NRXN3: variants seen among roughly 807,000 people sequenced by gnomAD.
The protein encoded by NRXN3 is neurexin III.
A neutral mutation model predicts 137.6 loss-of-function variants in NRXN3; 32 were observed. The observed-to-expected ratio is 0.23, with a 90% CI of 0.18 to 0.31. NRXN3 has a LOEUF of 0.31. Ranked by LOEUF, NRXN3 falls within the 10% of genes least tolerant of loss-of-function variation. The pLI is 1.00. For missense variants in NRXN3, 1,574 were observed against 2,062.5 expected (o/e 0.76, Z 4.59); for synonymous variants, 798 against 784.5 (o/e 1.02, Z -0.29).
At chr14:78,529,584 T>G (rs935724971) in intron 4 of NRXN3, among the ~76,000 whole-genome samples, 2 of 152,226 alleles carry the variant, frequency 1.3e-5, no homozygotes, top group South Asian at 4.1e-4. Flanking sequence ...TTCTACTTCT[T>G]TGTTTTGTCT....
chr14:78,414,134 C>T (rs2092997950), intron 4 of NRXN3, among the ~76,000 whole-genome samples: 1 of 152,172 alleles, frequency 6.6e-6, no homozygotes, highest in African/African-American at 2.4e-5. Context: ...TTATAAATTA[C>T]CCAGTCTTGG....
At chr14:79,612,579 T>C (rs1235214872) in intron 16 of NRXN3, among the ~76,000 whole-genome samples, 3 of 152,212 alleles carry the variant, frequency 2.0e-5, no homozygotes, top group Non-Finnish European at 4.4e-5. Flanking sequence ...CAAGCCACCA[T>C]GGCTCAAGCC....
At chr14:79,391,044 G>T (rs1214903182) in intron 15 of NRXN3, among the ~76,000 whole-genome samples, 1 of 152,018 alleles carries the variant, frequency 6.6e-6, no homozygotes, top group Non-Finnish European at 1.5e-5. Flanking sequence ...GACTTCCCAG[G>T]CTCCAGAATT....
chr14:78,191,883 T>A (rs1485622320), intron 1 of NRXN3, among the ~76,000 whole-genome samples: 1 of 152,132 alleles, frequency 6.6e-6, no homozygotes, highest in Non-Finnish European at 1.5e-5. Context: ...CTTTGAGCTG[T>A]GTGCCAACTC....
intron 4 of NRXN3, among the ~76,000 whole-genome samples, chr14:78,471,291 AACACACACACAC>A (rs553942003): frequency 1.6e-3 from 159 of 96,844 alleles, no homozygotes; most frequent in African/African-American, 3.5e-3. Context: ...CAACACACTC[AACACACACACAC>A]ACACACACAC....
chr14:79,771,444 A>T (rs1479380267), intron 19 of NRXN3, among the ~76,000 whole-genome samples: 1 of 152,172 alleles, frequency 6.6e-6, no homozygotes, highest in East Asian at 1.9e-4. Flanking sequence ...AGTGGGCTTC[A>T]TCCCTGGGAT....
Position 79,560,250 on chromosome 14 carries a change from T to C in NRXN3, c.3444+92848T>C, listed in dbSNP as rs112437451. On this transcript the variant is annotated intron_variant, in intron 16 of 20. Coordinates refer to ENST00000335750, the MANE Select transcript of NRXN3 (RefSeq NM_001330195.2). ...TAGGATAGAAAGGTAATTCAGTCTTTCCTCTGGCCTGGTTCGTCAAACTTT... is the reference window on the plus strand; with the variant it reads ...TAGGATAGAAAGGTAATTCAGTCTTCCCTCTGGCCTGGTTCGTCAAACTTT... Among the ~76,000 whole-genome samples the C allele has an allele frequency of 8.4e-4, 128 of 152,204 alleles. 2 individuals are homozygous for C. The Middle Eastern group carries it at 0.017, about 20-fold the overall frequency.
chr14:79,755,532 A>G (rs1346097663), intron 19 of NRXN3, among the ~76,000 whole-genome samples: 1 of 140,522 alleles, frequency 7.1e-6, no homozygotes, highest in African/African-American at 2.6e-5. Flanking sequence ...AATACCGAAG[A>G]TTTTTTTTTT....
intron 4 of NRXN3, among the ~76,000 whole-genome samples, chr14:78,343,177 C>T (rs187370455): frequency 2.3e-4 from 35 of 152,266 alleles, no homozygotes; most frequent in African/African-American, 7.7e-4. Flanking sequence ...GGTCTTAAAT[C>T]AACACAACCA....
chr14:79,686,901 G>T (rs1486598862), intron 17 of NRXN3, among the ~76,000 whole-genome samples: 2 of 152,168 alleles, frequency 1.3e-5, no homozygotes, highest in Admixed American at 1.3e-4. Flanking sequence ...CCAACTTGGT[G>T]TACGACAGGG....
At chr14:78,942,898 A>T (rs530067478) in intron 10 of NRXN3, among the ~76,000 whole-genome samples, 1 of 151,012 alleles carries the variant, frequency 6.6e-6, no homozygotes, top group African/African-American at 2.5e-5. Flanking sequence ...ATTATTTTTC[A>T]GTTAAAAAAG....
chr14:79,082,964 C>G (rs2047355364), intron 15 of NRXN3, among the ~76,000 whole-genome samples: 1 of 152,180 alleles, frequency 6.6e-6, no homozygotes, highest in African/African-American at 2.4e-5. Context: ...GATTGCTACA[C>G]TACACCATTG....
intron 20 of NRXN3, among the ~76,000 whole-genome samples, chr14:79,848,792 T>A (rs2099385871): frequency 6.6e-6 from 1 of 152,148 alleles, no homozygotes; most frequent in Non-Finnish European, 1.5e-5. Flanking sequence ...TGATCCAGCC[T>A]CTTGACTTTA....
chr14:78,519,169 C>G (rs1272244130), intron 4 of NRXN3, among the ~76,000 whole-genome samples: 1 of 151,994 alleles, frequency 6.6e-6, no homozygotes, highest in Non-Finnish European at 1.5e-5. Flanking sequence ...AAAGTTGAGA[C>G]TTATGGTAGC....
At chr14:79,725,612 T>G (rs2098881297) in intron 19 of NRXN3, among the ~76,000 whole-genome samples, 2 of 152,160 alleles carry the variant, frequency 1.3e-5, no homozygotes, top group South Asian at 4.1e-4. Flanking sequence ...CCCCATTGAC[T>G]TTCTTGTTCC....
intron 10 of NRXN3, among the ~76,000 whole-genome samples, chr14:78,914,201 G>A (rs1023527315): frequency 5.9e-5 from 9 of 152,134 alleles, no homozygotes; most frequent in African/African-American, 2.2e-4. Flanking sequence ...GATTGGTGAG[G>A]GAAATTAGAA....
intron 16 of NRXN3, among the ~76,000 whole-genome samples, chr14:79,503,619 G>A (rs561487099): frequency 6.6e-6 from 1 of 152,262 alleles, no homozygotes; most frequent in African/African-American, 2.4e-5. Context: ...CAGATGTTCT[G>A]CCTTCTGTTC....
chr14:79,181,421 G>A (rs1267210852), intron 15 of NRXN3, among the ~76,000 whole-genome samples: 2 of 151,970 alleles, frequency 1.3e-5, no homozygotes, highest in Non-Finnish European at 2.9e-5. Context: ...GGTGGCTCAC[G>A]CCTGTAATCC....
At chr14:78,840,945 A>G (rs1331329164) in intron 10 of NRXN3, among the ~76,000 whole-genome samples, 1 of 152,216 alleles carries the variant, frequency 6.6e-6, no homozygotes, top group African/African-American at 2.4e-5. Flanking sequence ...CACACACATT[A>G]CTACATTTAA....
Sources: gnomAD v4.1 joint callset for allele counts (sites outside exome capture counted in the v4.1 genomes callset) on GRCh38, gnomAD v4.1.1 for gene constraint, MANE v1.5 for transcripts, NCBI Gene and HGNC (gene_info 2026-07-23, HGNC 2026-07-21) for gene names.